Variants in SGCD observed in about 807,000 individuals in gnomAD.
The protein encoded by SGCD is sarcoglycan delta, also known as delta-sarcoglycan.
In SGCD, 18 loss-of-function variants were observed where a neutral mutation model predicts 36.6. That is an observed-to-expected ratio of 0.49 (90% CI 0.34 to 0.73). The LOEUF (loss-of-function observed/expected upper bound fraction) is 0.73. Among genes scored for constraint, SGCD ranks in the 30% least tolerant of loss-of-function variants. The pLI, the probability that SGCD is intolerant of heterozygous loss-of-function variation, is 0.01. For synonymous variants in SGCD, 133 were observed against 130.6 expected, an observed-to-expected ratio of 1.02 and a Z score of -0.12; for missense variants, 387 against 346.7, an observed-to-expected ratio of 1.12 and a Z score of -0.92.
intron 3 of SGCD, among the ~76,000 whole-genome samples, chr5:156,168,370 A>G (rs1255546919): frequency 8.6e-6 from 1 of 116,262 alleles, no homozygotes; most frequent in Non-Finnish European, 1.8e-5. Flanking sequence ...TCCTATCTCT[A>G]CAAAAAAAAA....
intron 7 of SGCD, among the ~76,000 whole-genome samples, chr5:156,737,810 G>A (rs1756451469): frequency 1.3e-5 from 2 of 152,154 alleles, no homozygotes; most frequent in Admixed American, 6.6e-5. Context: ...TTTCAGGGCT[G>A]AGAGATGGAC....
chr5:156,356,314 T>C (rs1394609), intron 3 of SGCD, among the ~76,000 whole-genome samples: 111,230 of 151,972 alleles, frequency 0.73, 41,810 homozygotes, highest in East Asian at 0.92. Context: ...GGACTGGAAT[T>C]ATCTCCAGGT....
chr5:156,041,315 C>G (rs1169795566), intron 1 of SGCD, among the ~76,000 whole-genome samples: 1 of 152,132 alleles, frequency 6.6e-6, no homozygotes, highest in East Asian at 1.9e-4. Context: ...GTACTTCGGT[C>G]CAGTTCCTTC....
At chr5:156,548,786 TG>T (rs940152904) in intron 4 of SGCD, among the ~76,000 whole-genome samples, 3 of 152,120 alleles carry the variant, frequency 2.0e-5, no homozygotes, top group African/African-American at 4.8e-5. Flanking sequence ...GCCTTTGAGC[TG>T]GGAGGAATAA....
At chr5:155,733,855 A>G in the SGCD span, among the ~76,000 whole-genome samples, 1 of 151,990 alleles carries the variant, frequency 6.6e-6, no homozygotes, top group African/African-American at 2.4e-5. Context: ...GAAGACAGTA[A>G]TAGGTTGTCT....
At chr5:156,543,504 A>G (rs984550558) in intron 4 of SGCD, among the ~76,000 whole-genome samples, 1 of 152,032 alleles carries the variant, frequency 6.6e-6, no homozygotes, top group Admixed American at 6.6e-5. Flanking sequence ...TCTGAACTTG[A>G]CTGTTGTGGG....
chr5:156,666,993 G>T (rs1212608170), intron 7 of SGCD, among the ~76,000 whole-genome samples: 1 of 152,012 alleles, frequency 6.6e-6, no homozygotes, highest in Non-Finnish European at 1.5e-5. Flanking sequence ...ATGCAGGTTG[G>T]GTGTCCCAAA....
chr5:155,732,902 C>T, the SGCD span, among the ~76,000 whole-genome samples: 1 of 152,170 alleles, frequency 6.6e-6, no homozygotes, highest in Admixed American at 6.6e-5. Flanking sequence ...AAGTAGTAAA[C>T]TCCATGCGTG....
At chr5:156,555,668 G>C (rs1268852916) in intron 4 of SGCD, among the ~76,000 whole-genome samples, 1 of 138,308 alleles carries the variant, frequency 7.2e-6, no homozygotes, top group Non-Finnish European at 1.6e-5. Context: ...CTACAAATTT[G>C]TTCTTTTTTT....
chr5:155,874,654 A>G (rs1398298119), intron 1 of SGCD, among the ~76,000 whole-genome samples: 4 of 152,138 alleles, frequency 2.6e-5, no homozygotes, highest in Non-Finnish European at 4.4e-5. Flanking sequence ...AAAATGAGAA[A>G]AGATGCTCAA....
chr5:156,572,430 T>C (rs1431139533), intron 4 of SGCD, among the ~76,000 whole-genome samples: 3 of 152,176 alleles, frequency 2.0e-5, no homozygotes, highest in Admixed American at 6.5e-5. Context: ...GTTTTTTTTC[T>C]ATTATAATTA....
At chr5:156,272,952 A>C (rs62383775) in intron 3 of SGCD, among the ~76,000 whole-genome samples, 1,590 of 152,330 alleles carry the variant, frequency 0.01, 14 homozygotes, top group Non-Finnish European at 0.016. Context: ...CACAAAGCCA[A>C]ACGCCTTTAC....
At chr5:156,100,727 A>G (rs1761498924) in intron 1 of SGCD, among the ~76,000 whole-genome samples, 1 of 152,352 alleles carries the variant, frequency 6.6e-6, no homozygotes, top group Admixed American at 6.5e-5. Flanking sequence ...TGGGTGAAGG[A>G]AGATATAAAG....
At chr5:156,678,387 A>G (rs544864547) in intron 7 of SGCD, among the ~76,000 whole-genome samples, 2 of 152,330 alleles carry the variant, frequency 1.3e-5, no homozygotes, top group East Asian at 3.9e-4. Flanking sequence ...TAGAATAACT[A>G]TTAGATAATT....
chr5:156,391,714 G>T (rs1217638871), intron 3 of SGCD, among the ~76,000 whole-genome samples: 1 of 152,100 alleles, frequency 6.6e-6, no homozygotes, highest in African/African-American at 2.4e-5. Flanking sequence ...ATCTGCAGGG[G>T]GTCCTGAAAC....
At chr5:156,074,588 G>A (rs941102203) in intron 1 of SGCD, among the ~76,000 whole-genome samples, 1 of 152,088 alleles carries the variant, frequency 6.6e-6, no homozygotes. Context: ...GCTGAGGCAG[G>A]AGAATCACTT....
At chr5:155,732,831 C>A in the SGCD span, among the ~76,000 whole-genome samples, 1 of 152,126 alleles carries the variant, frequency 6.6e-6, no homozygotes, top group African/African-American at 2.4e-5. Flanking sequence ...GGATCCCTTC[C>A]AGACAGCTTC....
the SGCD span, among the ~76,000 whole-genome samples, chr5:155,768,077 T>C: frequency 1.3e-5 from 2 of 152,082 alleles, no homozygotes; most frequent in Non-Finnish European, 2.9e-5. Flanking sequence ...GTACTTTCAG[T>C]AGTACTGTTA....
intron 6 of SGCD, among the ~76,000 whole-genome samples, chr5:156,611,350 T>C (rs1761797111): frequency 2.0e-5 from 3 of 152,220 alleles, no homozygotes; most frequent in South Asian, 4.1e-4. Context: ...TCTTTTTTTC[T>C]CCTTTATTTG....
Sources: gnomAD v4.1 joint callset for allele counts (sites outside exome capture counted in the v4.1 genomes callset) on GRCh38, gnomAD v4.1.1 for gene constraint, MANE v1.5 for transcripts, NCBI Gene and HGNC (gene_info 2026-07-23, HGNC 2026-07-21) for gene names.